The following DICER1 variants were observed in gnomAD, a reference collection of about 807,000 sequenced individuals.
DICER1 encodes endoribonuclease Dicer.
In DICER1, 43 loss-of-function variants were observed where a neutral mutation model predicts 194.1. That is an observed-to-expected ratio of 0.22 (90% confidence interval 0.17 to 0.29). The LOEUF (loss-of-function observed/expected upper bound fraction) is 0.29. Ranked by LOEUF, DICER1 falls within the 10% of genes least tolerant of loss-of-function variation. The pLI, the probability that DICER1 is intolerant of heterozygous loss-of-function variation, is 1.00. For missense variants in DICER1, 1,608 were observed against 2,317.0 expected, an observed-to-expected ratio of 0.69 and a Z score of 6.28; for synonymous variants, 832 against 820.5, an observed-to-expected ratio of 1.01 and a Z score of -0.24.
chr14:95,101,982 C>T (rs946417095), intron 21 of DICER1, among the ~76,000 whole-genome samples: 4 of 152,110 alleles, frequency 2.6e-5, no homozygotes, highest in Non-Finnish European at 5.9e-5. Flanking sequence ...TGCCAAGTGA[C>T]CTTGGGCAAG....
chr14:95,137,358 AAGGAAAAGGGAAGGGGGAAGGGG>A, intron 1 of DICER1, among the ~76,000 whole-genome samples: 2 of 134,914 alleles, frequency 1.5e-5, no homozygotes, highest in Non-Finnish European at 3.1e-5. Flanking sequence ...GGGAAAGAGG[AAGGAAAAGGGAAGGGGGAAGGGG>A]AAGGAAAAGG....
chr14:95,112,385 C>A, intron 12 of DICER1, 138 bp from the exon 13 acceptor site: 1 of 743,292 alleles, frequency 1.3e-6, no homozygotes, highest in South Asian at 1.8e-5. Flanking sequence ...TTGAAAAATT[C>A]CAGCAAGTTT....
In DICER1 at chr14:95,133,502, T is replaced by G; in HGVS notation, c.-44A>C. The G allele has an allele frequency of 6.3e-7, 1 of 1,581,896 alleles. No homozygotes were observed. Among genetic ancestry groups the G allele is most frequent in the East Asian group, 2.3e-5 (1 of 43,592 alleles). ...ATTGCATTTTTGTTCTAGCACAGCT[T>G]ACTACAAAAGGGAAAAAGAATACCA... On this transcript the variant is annotated splice_region_variant and 5_prime_UTR_variant, in exon 2 of 27. The change abolishes the stop of an existing upstream ORF in the 5' untranslated region. Coordinates refer to ENST00000343455, the MANE Select transcript of DICER1 (RefSeq NM_177438.3).
At position 95,088,739 on chromosome 14, in the gene DICER1, C is replaced by T. The variant is rs1335108629; in HGVS notation, c.*1759G>A. ...TTAATACCCCCCTCACTCAGGGTTC[C>T]TTAGAAAGCAGAGCTGACAGTTTTC... On this transcript the variant is annotated 3_prime_UTR_variant, in exon 27 of 27. Coordinates refer to ENST00000343455, the MANE Select transcript of DICER1 (RefSeq NM_177438.3). 1 of 232,972 alleles carries T rather than the reference C, an allele frequency of 4.3e-6. No individual in the cohort carries two copies. The highest frequency in any genetic ancestry group is 8.5e-6 in the Non-Finnish European group (1 of 117,858). The allele number at this position is 232,972 out of a possible 1,614,324, so 14.4% of individuals were successfully genotyped here.
At chr14:95,127,133 A>G (rs1339384847) in intron 6 of DICER1, among the ~76,000 whole-genome samples, 1 of 152,198 alleles carries the variant, frequency 6.6e-6, no homozygotes, top group African/African-American at 2.4e-5. Flanking sequence ...GTTCAAAGAC[A>G]TTACATGACT....
chr14:95,102,129 C>T (rs966657483), intron 21 of DICER1, among the ~76,000 whole-genome samples: 2 of 152,042 alleles, frequency 1.3e-5, no homozygotes, highest in African/African-American at 2.4e-5. Context: ...TGTGCGTATA[C>T]GGTTATCTTT....
chr14:95,107,573 A>G (rs1464562709), intron 17 of DICER1, 35 bp downstream of exon 17: 1 of 1,611,016 alleles, frequency 6.2e-7, no homozygotes. Context: ...AAAACAAAGT[A>G]TCACCACCAT....
intron 1 of DICER1, chr14:95,137,927 C>T (rs1283674827): frequency 6.5e-6 from 1 of 154,732 alleles, no homozygotes; most frequent in African/African-American, 2.4e-5. Flanking sequence ...TTTCCCTGGC[C>T]TGCCTATTTC....
At chr14:95,108,198 G>T (rs961728141) in intron 15 of DICER1, 105 bp from the exon 16 acceptor site, 8 of 1,274,088 alleles carry the variant, frequency 6.3e-6, no homozygotes, top group Admixed American at 1.7e-5. Flanking sequence ...AGAAATAGAA[G>T]AGGCACCTCG....
chr14:95,127,698 G>A (rs1595451645), intron 6 of DICER1, among the ~76,000 whole-genome samples: 1 of 152,302 alleles, frequency 6.6e-6, no homozygotes. Context: ...TTTGAATTTC[G>A]CGTTTTCAGA....
intron 1 of DICER1, among the ~76,000 whole-genome samples, chr14:95,145,785 A>T (rs1895089910): frequency 6.6e-6 from 1 of 152,174 alleles, no homozygotes; most frequent in African/African-American, 2.4e-5. Flanking sequence ...TTGTCTTTTT[A>T]AAAAGTTTTT....
chr14:95,112,870 A>G (rs1892098518), intron 12 of DICER1, among the ~76,000 whole-genome samples: 1 of 152,264 alleles, frequency 6.6e-6, no homozygotes, highest in South Asian at 2.1e-4. Context: ...AGTCTATTAC[A>G]AATATGAACA....
At position 95,112,002 on chromosome 14, in the gene DICER1, T is replaced by C. The variant is rs983798553; in HGVS notation, c.2116+170A>G. Among the ~76,000 whole-genome samples, 5 of 152,194 alleles carry C rather than the reference T, an allele frequency of 3.3e-5. No homozygotes were observed. In the East Asian group the frequency reaches 9.6e-4, roughly 29 times the overall value. On this transcript the variant is annotated intron_variant, in intron 13 of 26. Transcript: ENST00000343455. ...AAAACAAAGAGCTCCCACAACAATG[T>C]AGGATCTTCAAGTTACTAACACTTA...
At chr14:95,107,525 C>A (rs1891539078) in intron 17 of DICER1, 83 bp downstream of exon 17, 2 of 1,394,078 alleles carry the variant, frequency 1.4e-6, no homozygotes, top group Admixed American at 3.4e-5. Context: ...GCTGGGACTG[C>A]AGGCGTGAGC....
intron 21 of DICER1, among the ~76,000 whole-genome samples, chr14:95,102,344 A>C (rs1014978047): frequency 2.0e-5 from 3 of 152,284 alleles, no homozygotes; most frequent in African/African-American, 7.2e-5. Context: ...TATTAACATT[A>C]ATAGTTCCTT....
intron 7 of DICER1, among the ~76,000 whole-genome samples, chr14:95,125,118 G>C (rs1893293937): frequency 6.6e-6 from 1 of 152,176 alleles, no homozygotes; most frequent in South Asian, 2.1e-4. Flanking sequence ...AGAAACTGTG[G>C]ATGAATTTTG....
intron 22 of DICER1, among the ~76,000 whole-genome samples, chr14:95,098,078 C>G (rs970742595): frequency 3.9e-5 from 6 of 151,942 alleles, no homozygotes; most frequent in Admixed American, 3.3e-4. Flanking sequence ...CCACCATAAG[C>G]CAAAAGTGGC....
At chr14:95,116,726 T>C (rs937921958) in intron 9 of DICER1, 31 bp from the exon 10 acceptor site, 14 of 1,610,498 alleles carry the variant, frequency 8.7e-6, no homozygotes, top group Non-Finnish European at 1.2e-5. Flanking sequence ...AGAAAAGCAC[T>C]TCTAAGAAAA....
intron 4 of DICER1, 33 bp from the exon 5 acceptor site, chr14:95,130,225 A>T (rs1324324105): frequency 4.4e-6 from 7 of 1,601,100 alleles, no homozygotes; most frequent in Non-Finnish European, 6.0e-6. Context: ...AAACAAACAT[A>T]GCATTCACTG....
Sources: allele counts gnomAD v4.1 joint callset (sites outside exome capture counted in the v4.1 genomes callset), GRCh38; gene constraint gnomAD v4.1.1; transcripts MANE v1.5; gene names NCBI Gene and HGNC (gene_info 2026-07-23, HGNC 2026-07-21).